RASGRP1: variants seen among roughly 807,000 people sequenced by gnomAD.
RASGRP1 encodes RAS guanyl releasing protein 1.
A neutral mutation model predicts 95.1 loss-of-function variants in RASGRP1; 37 were observed. That is an observed-to-expected ratio of 0.39 (90% confidence interval 0.30 to 0.51). The LOEUF (loss-of-function observed/expected upper bound fraction) is 0.51, where lower values mean the gene tolerates loss of function less well. Among genes scored for constraint, RASGRP1 ranks in the 20% least tolerant of loss-of-function variants. RASGRP1 has a pLI of 0.80. For missense variants in RASGRP1, 711 were observed against 965.4 expected (o/e 0.74, Z 3.49); for synonymous variants, 325 against 353.4 (o/e 0.92, Z 0.90).
chr15:38,546,166 T>G (rs1208608152), intron 2 of RASGRP1, among the ~76,000 whole-genome samples: 1 of 152,236 alleles, frequency 6.6e-6, no homozygotes, highest in African/African-American at 2.4e-5. Flanking sequence ...TTTTTGAGTA[T>G]GTACTGCAGA....
chr15:38,549,744 C>T (rs1403867738), intron 2 of RASGRP1, among the ~76,000 whole-genome samples: 3 of 151,790 alleles, frequency 2.0e-5, no homozygotes, highest in African/African-American at 4.8e-5. Flanking sequence ...AGTACATCTC[C>T]ATCCTAGGAA....
At chr15:38,537,260 T>C (rs763979690) in intron 2 of RASGRP1, among the ~76,000 whole-genome samples, 4 of 152,176 alleles carry the variant, frequency 2.6e-5, no homozygotes, top group Non-Finnish European at 4.4e-5. Flanking sequence ...AAATATAATT[T>C]ATAAAGAAAA....
intron 2 of RASGRP1, among the ~76,000 whole-genome samples, chr15:38,529,588 G>A (rs1455920670): frequency 6.6e-6 from 1 of 152,152 alleles, no homozygotes; most frequent in East Asian, 1.9e-4. Flanking sequence ...ACCATTATCT[G>A]AAGTTATCTG....
chr15:38,498,805 T>A lies in RASGRP1; in HGVS notation c.1862A>T (p.Asp621Val). ...VSNLCSLGAK[D>V]LLHAPEEGPF... The stretch of plus-strand genomic sequence containing the variant: ...CAGTGCCTACTTACCATGGAGCAGA[T>A]CTTTGGCTCCCAATGAGCAAAGGTT... The change falls in exon 15 of 17, where the codon GAT becomes GTT. Residue 621 changes from aspartate to valine, a missense_variant. Asp to Val is a radical substitution (Grantham distance 152). Transcript: ENST00000310803. 1 of 1,613,552 alleles carries A rather than the reference T, an allele frequency of 6.2e-7. No homozygotes were observed. The highest frequency in any genetic ancestry group is 8.5e-7 in the Non-Finnish European group (1 of 1,179,828).
chr15:38,500,952 G>T (rs1192660849), intron 13 of RASGRP1, among the ~76,000 whole-genome samples, 191 bp downstream of exon 13: 1 of 152,070 alleles, frequency 6.6e-6, no homozygotes, highest in Middle Eastern at 3.2e-3. Flanking sequence ...CAATAGAAAA[G>T]AAAAAACAGG....
chr15:38,513,067 C>T, intron 6 of RASGRP1, 111 bp from the exon 7 acceptor site: 1 of 1,145,984 alleles, frequency 8.7e-7, no homozygotes, highest in Non-Finnish European at 1.2e-6. Flanking sequence ...CTGGGAACTG[C>T]CATGGAACAG....
Position 38,512,918 on chromosome 15 carries a change from C to T in RASGRP1, c.714G>A (p.Val238=). Residue 238 remains valine (V), a synonymous_variant, in exon 7 of 17, where the codon GTG becomes GTA. Coordinates refer to ENST00000310803, the MANE Select transcript of RASGRP1 (RefSeq NM_005739.4). ...ATCGCTCCATGGTGGGGTTTTCCTT[C>T]ACACAGCTATTTACAAGGTAATTCT... The part of the protein sequence containing the change: ...DYQNYLVNSC[V]KENPTMERSI... 6 of 1,590,970 alleles carry T rather than the reference C, an allele frequency of 3.8e-6. No homozygotes were observed. The highest frequency in any genetic ancestry group is 5.1e-6 in the Non-Finnish European group (6 of 1,171,430).
intron 6 of RASGRP1, among the ~76,000 whole-genome samples, chr15:38,514,675 T>C (rs1345245560): frequency 6.6e-6 from 1 of 152,100 alleles, no homozygotes; most frequent in African/African-American, 2.4e-5. Flanking sequence ...GAAATGAAGG[T>C]TGAAACTGAT....
intron 2 of RASGRP1, among the ~76,000 whole-genome samples, chr15:38,550,951 T>C (rs1234978967): frequency 1.3e-5 from 2 of 152,204 alleles, no homozygotes; most frequent in African/African-American, 4.8e-5. Flanking sequence ...GAGGGACAGT[T>C]AGATCTTTGC....
At position 38,500,153 on chromosome 15, in the gene RASGRP1, G is replaced by A. The variant is rs1043771403; in HGVS notation, c.1684-14C>T. ...CACTCCCCAGAGCTATGAAACAAGAGACAGAATGCACCACATGTCATTCAT... is the reference window on the plus strand; with the variant it reads ...CACTCCCCAGAGCTATGAAACAAGAAACAGAATGCACCACATGTCATTCAT... On this transcript the variant is annotated splice_polypyrimidine_tract_variant and intron_variant, in intron 13 of 16. Coordinates refer to ENST00000310803, the MANE Select transcript of RASGRP1 (RefSeq NM_005739.4). 1 of 1,612,798 alleles carries A rather than the reference G, an allele frequency of 6.2e-7. No homozygotes were observed. The highest frequency in any genetic ancestry group is 8.5e-7 in the Non-Finnish European group (1 of 1,179,464).
intron 10 of RASGRP1, chr15:38,504,278 A>G (rs1403880501): frequency 3.9e-5 from 6 of 152,086 alleles, no homozygotes; most frequent in African/African-American, 1.4e-4. Flanking sequence ...TTTTTCTTCA[A>G]TGATAAATTA....
chr15:38,516,224 A>G lies in RASGRP1; in HGVS notation c.648T>C (p.Leu216=). The change falls in exon 6 of 17, where the codon CTT becomes CTC. Residue 216 remains leucine (L), a synonymous_variant. Transcript: ENST00000310803. ...PEELSEHLTY[L]EFKSFRRISF... is the part of the protein sequence containing the mutation. The stretch of plus-strand genomic sequence containing the variant: ...ATATCCTCCGGAAAGACTTGAACTC[A>G]AGGTAGGTGAGGTGCTCGGATAGCT... 1 of 1,601,414 alleles carries G rather than the reference A, an allele frequency of 6.2e-7. No homozygotes were observed. The highest frequency in any genetic ancestry group is 8.6e-7 in the Non-Finnish European group (1 of 1,168,608).
intron 2 of RASGRP1, among the ~76,000 whole-genome samples, chr15:38,535,554 G>A (rs577420444): frequency 1.5e-4 from 23 of 152,152 alleles, no homozygotes; most frequent in Non-Finnish European, 2.4e-4. Context: ...GAAAATTCAC[G>A]TCCCCTAAGG....
intron 2 of RASGRP1, among the ~76,000 whole-genome samples, chr15:38,557,458 C>T (rs927980885): frequency 1.3e-5 from 2 of 152,160 alleles, no homozygotes; most frequent in African/African-American, 2.4e-5. Flanking sequence ...TCCCTTGGCC[C>T]GTGAGGGACT....
chr15:38,492,773 C>T (rs570739837), intron 16 of RASGRP1, among the ~76,000 whole-genome samples: 2 of 152,006 alleles, frequency 1.3e-5, no homozygotes, highest in Admixed American at 6.5e-5. Flanking sequence ...GTACTGTACT[C>T]GAAACAAAAA....
At chr15:38,511,569 C>CATT (rs1891513045) in intron 8 of RASGRP1, 35 bp downstream of exon 8, 1 of 1,510,694 alleles carries the variant, frequency 6.6e-7, no homozygotes, top group African/African-American at 1.4e-5. Flanking sequence ...CTTGAGAATG[C>CATT]TGCTAAGGGC....
chr15:38,542,849 G>GTGTATATATATACACATATATA (rs1892935387), intron 2 of RASGRP1, among the ~76,000 whole-genome samples: 1 of 117,584 alleles, frequency 8.5e-6, no homozygotes, highest in African/African-American at 3.8e-5. Context: ...ATATATATAT[G>GTGTATATATATACACATATATA]TGTATATATA....
intron 1 of RASGRP1, among the ~76,000 whole-genome samples, chr15:38,561,536 A>G (rs1893810316): frequency 6.6e-6 from 1 of 152,250 alleles, no homozygotes; most frequent in Non-Finnish European, 1.5e-5. Context: ...GCTTAGATCA[A>G]AATAAAATGC....
chr15:38,509,815 C>T (rs1891427540), intron 8 of RASGRP1, among the ~76,000 whole-genome samples: 1 of 152,118 alleles, frequency 6.6e-6, no homozygotes, highest in South Asian at 2.1e-4. Flanking sequence ...ATAACTGAAA[C>T]TACAGGAGAC....
Sources: allele counts gnomAD v4.1 joint callset (sites outside exome capture counted in the v4.1 genomes callset), GRCh38; gene constraint gnomAD v4.1.1; transcripts MANE v1.5; gene names NCBI Gene and HGNC (gene_info 2026-07-23, HGNC 2026-07-21).